The following SLC25A27 variants were observed in gnomAD, a reference collection of about 807,000 sequenced individuals.
The protein encoded by SLC25A27 is mitochondrial uncoupling protein 4.
In SLC25A27, 35 loss-of-function variants were observed where a neutral mutation model predicts 49.1. The observed-to-expected ratio is 0.71, with a 90% CI of 0.54 to 0.95. The LOEUF is 0.95. Ranked by LOEUF, SLC25A27 falls within the 40% of genes least tolerant of loss-of-function variation. The probability of loss-of-function intolerance (pLI) is 0.00; values close to 1 mark genes in which losing one functional copy is unlikely to be tolerated. For synonymous variants in SLC25A27, 144 were observed against 136.9 expected, an observed-to-expected ratio of 1.05 and a Z score of -0.36; for missense variants, 339 against 397.1, an observed-to-expected ratio of 0.85 and a Z score of 1.24.
chr6:46,653,326 C>T, intron 1 of SLC25A27, 28 bp downstream of exon 1: 1 of 1,595,632 alleles, frequency 6.3e-7, no homozygotes, highest in Non-Finnish European at 8.5e-7. Context: ...CCTGGGCCTC[C>T]CGGGCCAGTG....
intron 4 of SLC25A27, among the ~76,000 whole-genome samples, 181 bp downstream of exon 4, chr6:46,662,679 A>G (rs755908292): frequency 6.6e-6 from 1 of 152,192 alleles, no homozygotes; most frequent in Non-Finnish European, 1.5e-5. Flanking sequence ...GGAAGTGTAC[A>G]TGTTCTATAC....
At chr6:46,668,173 CA>C (rs1335731226) in intron 5 of SLC25A27, among the ~76,000 whole-genome samples, 3 of 152,066 alleles carry the variant, frequency 2.0e-5, no homozygotes, top group African/African-American at 4.8e-5. Context: ...AGTAAAACCC[CA>C]TCTCTACAAA....
intron 3 of SLC25A27, among the ~76,000 whole-genome samples, chr6:46,661,264 G>A (rs1763153927): frequency 1.3e-5 from 2 of 152,170 alleles, no homozygotes; most frequent in South Asian, 4.1e-4. Flanking sequence ...TCATCATTGT[G>A]TGGAGAAACA....
intron 8 of SLC25A27, among the ~76,000 whole-genome samples, chr6:46,676,042 A>G (rs1763771522): frequency 1.3e-5 from 2 of 152,168 alleles, no homozygotes; most frequent in East Asian, 1.9e-4. Flanking sequence ...ATGGTTCAAT[A>G]AAAAGAACTC....
At chr6:46,661,088 A>G (rs980819263) in intron 3 of SLC25A27, among the ~76,000 whole-genome samples, 2 of 152,262 alleles carry the variant, frequency 1.3e-5, no homozygotes, top group Non-Finnish European at 2.9e-5. Context: ...TTCAGCTTAC[A>G]GTAACAGAGT....
intron 4 of SLC25A27, among the ~76,000 whole-genome samples, chr6:46,663,033 T>C (rs904212368): frequency 2.6e-5 from 4 of 152,212 alleles, no homozygotes; most frequent in African/African-American, 4.8e-5. Context: ...TCATTCCTCC[T>C]TCATCTTGAA....
intron 8 of SLC25A27, among the ~76,000 whole-genome samples, chr6:46,673,255 C>T (rs9472817): frequency 2.0e-5 from 3 of 152,142 alleles, no homozygotes; most frequent in Admixed American, 6.5e-5. Context: ...TGACTTAACT[C>T]GTTGAATTTC....
rs1425507733 is a variant in SLC25A27, at chr6:46,655,986, T to C, written c.250T>C (p.Phe84Leu). The C allele has an allele frequency of 3.7e-6, 6 of 1,612,444 alleles. No homozygotes were observed. Among genetic ancestry groups the C allele is most frequent in the Non-Finnish European group, 5.1e-6 (6 of 1,179,416 alleles). The change falls in exon 2 of 9, where the codon TTT (phenylalanine) becomes CTT (leucine). Residue 84 changes from phenylalanine to leucine, a missense_variant. By Grantham distance (22) the Phe-to-Leu change is conservative. Transcript: ENST00000371347. ...TALGIIEEEGFLKLWQGVTPA... is the reference protein window; with the variant it reads ...TALGIIEEEGLLKLWQGVTPA... ...TCTAGGGATCATTGAAGAGGAAGGC[T>C]TTCTAAAGCTTTGGCAAGGAGTGAC...
At chr6:46,674,179 C>T (rs1763666113) in intron 8 of SLC25A27, among the ~76,000 whole-genome samples, 3 of 151,482 alleles carry the variant, frequency 2.0e-5, no homozygotes, top group Admixed American at 1.3e-4. Context: ...ACATATGACT[C>T]AGGAAGTATA....
chr6:46,656,171 T>C, intron 2 of SLC25A27, 137 bp downstream of exon 2: 4 of 618,232 alleles, frequency 6.5e-6, no homozygotes, highest in Non-Finnish European at 1.0e-5. Flanking sequence ...ACATAGTCTT[T>C]TTTTATTATT....
chr6:46,662,550 A>AT, intron 4 of SLC25A27, 52 bp downstream of exon 4: 2 of 1,584,148 alleles, frequency 1.3e-6, no homozygotes, highest in East Asian at 4.5e-5. Flanking sequence ...CCACCGTCAT[A>AT]TTTTTAACAA....
At chr6:46,670,319 A>T in intron 7 of SLC25A27, 92 bp downstream of exon 7, 1 of 838,384 alleles carries the variant, frequency 1.2e-6, no homozygotes, top group African/African-American at 1.8e-5. Flanking sequence ...ATTGATAGAA[A>T]TGTATTTGTG....
At chr6:46,673,725 G>A (rs1763646477) in intron 8 of SLC25A27, among the ~76,000 whole-genome samples, 2 of 152,180 alleles carry the variant, frequency 1.3e-5, no homozygotes, top group Admixed American at 1.3e-4. Flanking sequence ...TAAGGACCAA[G>A]TTGGGAAGAA....
rs1293104850 is a variant in SLC25A27 at position 46,678,063 on chromosome 6, T to TATATATATATGC, written c.*1611_*1612insATATATATGCAT. 2 of 134,842 alleles carry TATATATATATGC rather than the reference T, an allele frequency of 1.5e-5. No homozygotes were observed. Among genetic ancestry groups the TATATATATATGC allele is most frequent in the African/African-American group, 5.4e-5 (2 of 36,930 alleles). The allele number at this position is 134,842 out of a possible 1,614,324, so 8.4% of individuals were successfully genotyped here. On this transcript the variant is annotated 3_prime_UTR_variant, in exon 9 of 9. Coordinates refer to ENST00000371347, the MANE Select transcript of SLC25A27 (RefSeq NM_004277.5). Reference sequence around the variant, plus strand: ...ATATATATATATATATATATATATATATGCTTAACTTCCCAAGTGTTCTGC... The same window carrying TATATATATATGC: ...ATATATATATATATATATATATATATATATATATATGCATGCTTAACTTCCCAAGTGTTCTGC...
intron 3 of SLC25A27, 27 bp downstream of exon 3, chr6:46,659,073 C>G (rs373284440): frequency 6.9e-7 from 1 of 1,449,454 alleles, no homozygotes; most frequent in Non-Finnish European, 9.6e-7. Context: ...AAATAATATG[C>G]TGTTGCCCCA....
In SLC25A27 at chr6:46,655,935, C is replaced by A; in HGVS notation, c.199C>A (p.Pro67Thr). 1 of 1,613,782 alleles carries A rather than the reference C, an allele frequency of 6.2e-7. No homozygotes were observed. ...RLGDGARESAPYRGMVRTALG... is the reference protein window; with the variant it reads ...RLGDGARESATYRGMVRTALG... ...GGGAGACGGTGCAAGAGAATCTGCC[C>A]CCTATAGGGGAATGGTGCGCACAGC... The change falls in exon 2 of 9, where the codon CCC becomes ACC. Residue 67 changes from proline (P) to threonine (T), a missense_variant. Physicochemically the swap from Pro to Thr is conservative, Grantham distance 38 (BLOSUM62 -1). Transcript: ENST00000371347.
chr6:46,662,768 A>G (rs1170839198), intron 4 of SLC25A27, among the ~76,000 whole-genome samples: 4 of 152,198 alleles, frequency 2.6e-5, no homozygotes, highest in African/African-American at 9.7e-5. Flanking sequence ...GCAGGTTAAC[A>G]TAAACAGTTT....
chr6:46,674,529 C>T (rs1158888122), intron 8 of SLC25A27, among the ~76,000 whole-genome samples: 1 of 152,208 alleles, frequency 6.6e-6, no homozygotes, highest in South Asian at 2.1e-4. Flanking sequence ...CACCAAAGAT[C>T]ACCAGAAAGT....
intron 6 of SLC25A27, among the ~76,000 whole-genome samples, chr6:46,669,549 T>G (rs552646858): frequency 1.3e-5 from 2 of 152,338 alleles, no homozygotes; most frequent in African/African-American, 4.8e-5. Flanking sequence ...AGTGTAATAG[T>G]GTCAAGTCAA....
Sources: allele counts gnomAD v4.1 joint callset (sites outside exome capture counted in the v4.1 genomes callset), GRCh38; gene constraint gnomAD v4.1.1; transcripts MANE v1.5; gene names NCBI Gene and HGNC (gene_info 2026-07-23, HGNC 2026-07-21).